Variants in NTM observed in about 807,000 individuals in gnomAD.
NTM encodes the protein neurotrimin.
In NTM, 13 loss-of-function variants were observed where a neutral mutation model predicts 42.1. That is an observed-to-expected ratio of 0.31 (90% CI 0.20 to 0.49). The LOEUF (loss-of-function observed/expected upper bound fraction) is 0.49, where lower values mean the gene tolerates loss of function less well. Ranked by LOEUF, NTM falls within the 20% of genes least tolerant of loss-of-function variation. The pLI is 0.99. For missense variants in NTM, 373 were observed against 452.8 expected (o/e 0.82, Z 1.60); for synonymous variants, 187 against 179.2 (o/e 1.04, Z -0.35).
intron 1 of NTM, among the ~76,000 whole-genome samples, chr11:131,562,162 C>T (rs2056318341): frequency 6.6e-6 from 1 of 151,980 alleles, no homozygotes; most frequent in African/African-American, 2.4e-5. Flanking sequence ...GCCAGTCAGG[C>T]CTGGGGACCG....
At chr11:131,754,946 G>A (rs1166567916) in intron 1 of NTM, among the ~76,000 whole-genome samples, 4 of 152,166 alleles carry the variant, frequency 2.6e-5, no homozygotes, top group East Asian at 1.9e-4. Context: ...AGTACAGATG[G>A]CAAAACTCTA....
At chr11:131,775,637 A>G (rs2086841173) in intron 1 of NTM, among the ~76,000 whole-genome samples, 1 of 152,228 alleles carries the variant, frequency 6.6e-6, no homozygotes, top group African/African-American at 2.4e-5. Context: ...TCTTCCATCC[A>G]AAAAGAGTAG....
intron 1 of NTM, chr11:131,795,164 C>T: frequency 2.6e-6 from 1 of 382,084 alleles, no homozygotes; most frequent in Non-Finnish European, 3.6e-6. Flanking sequence ...AGTTTTTTGT[C>T]ACCCACTTAA....
intron 4 of NTM, among the ~76,000 whole-genome samples, chr11:132,262,505 T>C (rs1487868855): frequency 6.6e-6 from 1 of 152,192 alleles, no homozygotes; most frequent in Non-Finnish European, 1.5e-5. Flanking sequence ...GGCTCTCTTC[T>C]TGACTTGTAA....
chr11:132,029,157 G>A (rs971399612), intron 2 of NTM, among the ~76,000 whole-genome samples: 3 of 151,850 alleles, frequency 2.0e-5, no homozygotes, highest in Non-Finnish European at 2.9e-5. Context: ...CAATTTAGGG[G>A]CAGTGTTTTG....
intron 1 of NTM, among the ~76,000 whole-genome samples, chr11:131,720,722 C>A (rs186447672): frequency 6.6e-6 from 1 of 152,138 alleles, no homozygotes; most frequent in South Asian, 2.1e-4. Flanking sequence ...CCAGAGGCAG[C>A]GTGTTATAGT....
intron 1 of NTM, among the ~76,000 whole-genome samples, chr11:131,848,936 G>A (rs947449250): frequency 6.6e-5 from 10 of 152,132 alleles, no homozygotes; most frequent in South Asian, 4.1e-4. Flanking sequence ...AAAGGGTATC[G>A]TAAATAATTC....
chr11:131,869,458 C>T (rs1222412190), intron 1 of NTM, among the ~76,000 whole-genome samples: 2 of 152,204 alleles, frequency 1.3e-5, no homozygotes, highest in African/African-American at 4.8e-5. Context: ...TCTACTGTCT[C>T]CGGCATCTGT....
chr11:132,102,603 T>A (rs1255262367), intron 2 of NTM, among the ~76,000 whole-genome samples: 1 of 152,192 alleles, frequency 6.6e-6, no homozygotes, highest in African/African-American at 2.4e-5. Context: ...AATTCAGGTG[T>A]TGTCAACTGG....
intron 4 of NTM, among the ~76,000 whole-genome samples, chr11:132,229,530 A>G (rs749129316): frequency 2.0e-5 from 3 of 152,294 alleles, no homozygotes; most frequent in South Asian, 2.1e-4. Flanking sequence ...AAATATTTTC[A>G]TATGTTCATT....
chr11:131,435,197 G>C (rs1005579710), intron 1 of NTM, among the ~76,000 whole-genome samples: 27 of 152,174 alleles, frequency 1.8e-4, no homozygotes, highest in African/African-American at 5.8e-4. Flanking sequence ...CTGTAGCCTT[G>C]TATTATAGTT....
At chr11:132,186,805 G>A (rs959083955) in intron 3 of NTM, among the ~76,000 whole-genome samples, 5 of 152,128 alleles carry the variant, frequency 3.3e-5, no homozygotes, top group Non-Finnish European at 7.4e-5. Flanking sequence ...AATGCACCAG[G>A]GATAGGACTC....
intron 2 of NTM, among the ~76,000 whole-genome samples, chr11:132,031,563 A>G (rs879608608): frequency 2.0e-5 from 3 of 152,148 alleles, no homozygotes; most frequent in African/African-American, 7.2e-5. Flanking sequence ...GAGGTCTTCA[A>G]GGTTTTTGGG....
intron 1 of NTM, among the ~76,000 whole-genome samples, chr11:131,750,916 C>T (rs1005844433): frequency 3.3e-5 from 5 of 152,236 alleles, no homozygotes; most frequent in South Asian, 2.1e-4. Context: ...TCCCCTGCCT[C>T]GGTGTTTCCA....
intron 2 of NTM, among the ~76,000 whole-genome samples, chr11:131,975,949 C>A (rs147500814): frequency 6.6e-6 from 1 of 152,138 alleles, no homozygotes; most frequent in African/African-American, 2.4e-5. Context: ...GTTGGCAGAA[C>A]CAAGCAGCTC....
chr11:131,624,238 G>A (rs1005209677), intron 1 of NTM, among the ~76,000 whole-genome samples: 1 of 152,178 alleles, frequency 6.6e-6, no homozygotes, highest in Non-Finnish European at 1.5e-5. Context: ...CCTTATTCAA[G>A]GACCAGCGTT....
At chr11:132,253,332 G>A (rs886648623) in intron 4 of NTM, among the ~76,000 whole-genome samples, 8 of 152,004 alleles carry the variant, frequency 5.3e-5, no homozygotes, top group African/African-American at 9.7e-5. Flanking sequence ...ATTGAGAGTC[G>A]GGCTTATTAA....
chr11:131,613,066 G>C (rs1478115545), intron 1 of NTM, among the ~76,000 whole-genome samples: 2 of 152,158 alleles, frequency 1.3e-5, no homozygotes, highest in African/African-American at 4.8e-5. Flanking sequence ...GTGCCTCCCT[G>C]GTCTGTCCTC....
intron 3 of NTM, among the ~76,000 whole-genome samples, chr11:132,197,103 C>T (rs2138380909): frequency 6.6e-6 from 1 of 152,242 alleles, no homozygotes; most frequent in African/African-American, 2.4e-5. Flanking sequence ...AAGAACAGGG[C>T]TGATGGTCAT....
Sources: allele counts gnomAD v4.1 joint callset (sites outside exome capture counted in the v4.1 genomes callset), GRCh38; gene constraint gnomAD v4.1.1; transcripts MANE v1.5; gene names NCBI Gene and HGNC (gene_info 2026-07-23, HGNC 2026-07-21).